OSBPL10: variants seen among roughly 807,000 people sequenced by gnomAD.
The protein encoded by OSBPL10 is oxysterol binding protein like 10.
In OSBPL10, 49 loss-of-function variants were observed where a neutral mutation model predicts 81.7. The observed-to-expected ratio is 0.60, with a 90% CI of 0.48 to 0.76. The LOEUF (loss-of-function observed/expected upper bound fraction) is 0.76, where lower values mean the gene tolerates loss of function less well. Among genes scored for constraint, OSBPL10 ranks in the 30% least tolerant of loss-of-function variants. OSBPL10 has a pLI of 0.00. For missense variants in OSBPL10, 923 were observed against 987.8 expected (o/e 0.93, Z 0.88); for synonymous variants, 419 against 383.6 (o/e 1.09, Z -1.08).
chr3:31,866,086 C>T (rs968092128), intron 3 of OSBPL10, among the ~76,000 whole-genome samples: 1 of 152,032 alleles, frequency 6.6e-6, no homozygotes, highest in African/African-American at 2.4e-5. Flanking sequence ...CACCCCAGGG[C>T]GGGAAAAAGT....
At chr3:31,679,998 C>A (rs1700596306) in intron 8 of OSBPL10, among the ~76,000 whole-genome samples, 1 of 152,108 alleles carries the variant, frequency 6.6e-6, no homozygotes, top group Non-Finnish European at 1.5e-5. Flanking sequence ...CTTCAAGAGT[C>A]CCCAGTCTGG....
chr3:31,972,346 G>A (rs1387699870), intron 1 of OSBPL10, among the ~76,000 whole-genome samples: 1 of 152,158 alleles, frequency 6.6e-6, no homozygotes, highest in Non-Finnish European at 1.5e-5. Context: ...TGGAGATCAC[G>A]CCACTGCACT....
intron 1 of OSBPL10, chr3:31,919,606 T>C (rs1392941697): frequency 6.6e-6 from 1 of 152,216 alleles, no homozygotes; most frequent in Non-Finnish European, 1.5e-5. Context: ...ATCTCATCAA[T>C]TCAAATTTCT....
At chr3:31,863,576 GT>G (rs1312127700) in intron 3 of OSBPL10, among the ~76,000 whole-genome samples, 28 of 152,304 alleles carry the variant, frequency 1.8e-4, no homozygotes, top group African/African-American at 6.7e-4. Context: ...CAGGGTTGTT[GT>G]GAGAAATACA....
chr3:32,030,171 C>A, intron 2 of OSBPL10: 1 of 230,380 alleles, frequency 4.3e-6, no homozygotes, highest in South Asian at 6.9e-5. Context: ...CGGCCAGAAC[C>A]GCCATCTTCC....
intron 2 of OSBPL10, chr3:32,045,829 A>C (rs1014141407): frequency 6.6e-6 from 1 of 152,238 alleles, no homozygotes; most frequent in African/African-American, 2.4e-5. Flanking sequence ...AAGCCTAAGA[A>C]TCAGTGTGTG....
chr3:31,942,427 C>CAA (rs1697563342), intron 1 of OSBPL10, among the ~76,000 whole-genome samples: 2 of 148,850 alleles, frequency 1.3e-5, no homozygotes, highest in Admixed American at 6.9e-5. Context: ...ATCCCAGCTA[C>CAA]AAGAGGCTGA....
chr3:31,880,221 G>A (rs1286710887), intron 1 of OSBPL10, among the ~76,000 whole-genome samples: 2 of 152,214 alleles, frequency 1.3e-5, no homozygotes, highest in Non-Finnish European at 2.9e-5. Context: ...AAGGCCTCCA[G>A]GAGAGGTAGT....
chr3:31,903,167 T>C (rs1363906725), intron 1 of OSBPL10, among the ~76,000 whole-genome samples: 1 of 152,156 alleles, frequency 6.6e-6, no homozygotes, highest in African/African-American at 2.4e-5. Flanking sequence ...CTATTCTAGG[T>C]GCCAGGAATA....
intron 3 of OSBPL10, among the ~76,000 whole-genome samples, chr3:31,864,564 T>G (rs1374963282): frequency 6.6e-6 from 1 of 152,068 alleles, no homozygotes; most frequent in African/African-American, 2.4e-5. Flanking sequence ...ATAAAGTATA[T>G]GAGCTTTAAA....
intron 4 of OSBPL10, among the ~76,000 whole-genome samples, chr3:31,827,050 C>G (rs1270139555): frequency 6.6e-6 from 1 of 152,114 alleles, no homozygotes; most frequent in Non-Finnish European, 1.5e-5. Flanking sequence ...AAAAGCCAAA[C>G]CAAATGGCTA....
intron 2 of OSBPL10, among the ~76,000 whole-genome samples, chr3:32,020,863 T>C (rs1438820755): frequency 6.6e-6 from 1 of 152,192 alleles, no homozygotes; most frequent in Non-Finnish European, 1.5e-5. Context: ...CATAATGAAA[T>C]ACCACAGACT....
chr3:31,694,234 G>A (rs1695642388), intron 7 of OSBPL10, among the ~76,000 whole-genome samples: 1 of 151,976 alleles, frequency 6.6e-6, no homozygotes, highest in Admixed American at 6.6e-5. Flanking sequence ...AGCCAGGCGT[G>A]ATGGTGAGCA....
intron 2 of OSBPL10, among the ~76,000 whole-genome samples, chr3:32,038,574 G>A (rs1043890817): frequency 1.3e-5 from 2 of 152,038 alleles, no homozygotes; most frequent in East Asian, 1.9e-4. Context: ...CATCCACCTC[G>A]GTCTCCCAAA....
rs10529845 is a variant in OSBPL10 at position 31,895,134 on chromosome 3, CTTTTT to C, written c.282-15309_282-15305del. 4.8e-5 allele frequency among the ~76,000 whole-genome samples: 6 copies of C among 124,886 alleles called. 1 individual carries two copies. Among genetic ancestry groups the C allele is most frequent in the African/African-American group, 6.3e-5 (2 of 31,544 alleles). The allele number at this position is 124,886 out of a possible 152,430, so 81.9% of individuals were successfully genotyped here. On this transcript the variant is annotated intron_variant, in intron 1 of 11. Coordinates refer to ENST00000396556, the MANE Select transcript of OSBPL10 (RefSeq NM_017784.5). ...GCTGCATATTAGAATTCTCTGCGGC[CTTTTT>C]TTTTTTTTTTTTTAGACGGAGTCTC...
intron 7 of OSBPL10, among the ~76,000 whole-genome samples, chr3:31,701,471 G>A (rs865915884): frequency 3.2e-4 from 49 of 152,132 alleles, no homozygotes; most frequent in African/African-American, 1.0e-3. Flanking sequence ...AGATGGTGAC[G>A]CACTTGCTAG....
intron 6 of OSBPL10, chr3:31,704,051 T>C (rs927547657): frequency 4.6e-5 from 7 of 152,270 alleles, no homozygotes. Context: ...AGCCCAGCAC[T>C]TACAGCCAGT....
intron 1 of OSBPL10, among the ~76,000 whole-genome samples, chr3:32,075,125 C>T (rs1363505309): frequency 6.6e-6 from 1 of 152,206 alleles, no homozygotes; most frequent in Non-Finnish European, 1.5e-5. Context: ...CAACATTCTG[C>T]AGCCTCTCTA....
chr3:31,707,240 G>A (rs2092024108), intron 6 of OSBPL10: 1 of 152,186 alleles, frequency 6.6e-6, no homozygotes, highest in African/African-American at 2.4e-5. Flanking sequence ...AGGGGCAAGA[G>A]GGTCTACTCT....
Sources: allele counts gnomAD v4.1 joint callset (sites outside exome capture counted in the v4.1 genomes callset), GRCh38; gene constraint gnomAD v4.1.1; transcripts MANE v1.5; gene names NCBI Gene and HGNC (gene_info 2026-07-23, HGNC 2026-07-21).